Variants in PTPRD observed in about 807,000 individuals in gnomAD.
PTPRD encodes receptor-type tyrosine-protein phosphatase delta.
In PTPRD, 34 loss-of-function variants were observed where a neutral mutation model predicts 214.5. That is an observed-to-expected ratio of 0.16 (90% CI 0.12 to 0.21). The LOEUF (loss-of-function observed/expected upper bound fraction) is 0.21. Ranked by LOEUF, PTPRD falls within the 10% of genes least tolerant of loss-of-function variation. PTPRD has a pLI of 1.00. For synonymous variants in PTPRD, 1,128 were observed against 845.7 expected, an observed-to-expected ratio of 1.33 and a Z score of -5.79; for missense variants, 2,545 against 2,398.7, an observed-to-expected ratio of 1.06 and a Z score of -1.27.
chr9:8,892,093 G>A (rs140035154), intron 11 of PTPRD, among the ~76,000 whole-genome samples: 1 of 152,094 alleles, frequency 6.6e-6, no homozygotes, highest in Non-Finnish European at 1.5e-5. Context: ...GAAAGAAACA[G>A]AATTCCACTC....
intron 3 of PTPRD, among the ~76,000 whole-genome samples, chr9:10,274,022 C>G (rs1272851553): frequency 2.0e-5 from 3 of 152,050 alleles, no homozygotes; most frequent in African/African-American, 7.2e-5. Flanking sequence ...TTGTATCCTC[C>G]TAACAGAATT....
chr9:8,516,700 A>G (rs2097786238), intron 21 of PTPRD, among the ~76,000 whole-genome samples: 1 of 152,152 alleles, frequency 6.6e-6, no homozygotes, highest in Non-Finnish European at 1.5e-5. Flanking sequence ...AAACAAGCCA[A>G]CAGCATGATG....
intron 5 of PTPRD, among the ~76,000 whole-genome samples, chr9:9,798,811 A>G (rs1242924284): frequency 6.6e-6 from 1 of 152,208 alleles, no homozygotes; most frequent in African/African-American, 2.4e-5. Context: ...AATCAGGTAG[A>G]GGTCTTAGAT....
intron 10 of PTPRD, among the ~76,000 whole-genome samples, chr9:9,082,017 A>G (rs1487776109): frequency 6.6e-6 from 1 of 152,050 alleles, no homozygotes; most frequent in Non-Finnish European, 1.5e-5. Context: ...TTCACAGCCA[A>G]ATTCTACCAG....
chr9:9,575,717 CAAAAAAAAAAAAAAAAA>C (rs757614546), intron 7 of PTPRD, among the ~76,000 whole-genome samples: 1 of 33,312 alleles, frequency 3.0e-5, no homozygotes, highest in African/African-American at 1.1e-4. Context: ...AAGACTGTCT[CAAAAAAAAAAAAAAAAA>C]AAAAAAAAAA....
intron 14 of PTPRD, among the ~76,000 whole-genome samples, chr9:8,537,638 G>C (rs1436055741): frequency 2.0e-5 from 3 of 151,954 alleles, no homozygotes; most frequent in Non-Finnish European, 2.9e-5. Context: ...ACATTGTTAA[G>C]CTAAGAGCCT....
At chr9:9,387,703 C>G (rs1298586673) in intron 9 of PTPRD, among the ~76,000 whole-genome samples, 1 of 152,070 alleles carries the variant, frequency 6.6e-6, no homozygotes, top group Non-Finnish European at 1.5e-5. Context: ...AGGAAGGGTT[C>G]CTTTGTCCCC....
chr9:10,410,270 T>TATACACAC (rs532202941), intron 2 of PTPRD, among the ~76,000 whole-genome samples: 30 of 139,848 alleles, frequency 2.1e-4, no homozygotes, highest in African/African-American at 7.7e-4. Context: ...TATATATATA[T>TATACACAC]ACACACACAC....
intron 39 of PTPRD, among the ~76,000 whole-genome samples, chr9:8,373,890 CTATCTATCTATCTATCTATCTAT>C (rs879641771): frequency 0.011 from 1,422 of 130,120 alleles, 14 homozygotes; most frequent in East Asian, 0.029. Flanking sequence ...ATCTATCTAT[CTATCTATCTATCTATCTATCTAT>C]CTACCTACCT....
chr9:10,235,503 C>T (rs2099626135), intron 3 of PTPRD, among the ~76,000 whole-genome samples: 1 of 151,936 alleles, frequency 6.6e-6, no homozygotes, highest in South Asian at 2.1e-4. Flanking sequence ...TTAGCCAGCA[C>T]ATATTGTGGA....
chr9:8,653,518 A>C (rs1275806798), intron 12 of PTPRD, among the ~76,000 whole-genome samples: 3 of 152,166 alleles, frequency 2.0e-5, no homozygotes, highest in African/African-American at 4.8e-5. Flanking sequence ...ATTTCCACAC[A>C]GTTCCTTTCC....
chr9:8,660,041 G>A (rs930675983), intron 12 of PTPRD, among the ~76,000 whole-genome samples: 1 of 152,110 alleles, frequency 6.6e-6, no homozygotes, highest in Non-Finnish European at 1.5e-5. Context: ...TGTTCCTCAG[G>A]TACAAAAATG....
chr9:9,043,550 T>A (rs1211869625), intron 10 of PTPRD, among the ~76,000 whole-genome samples: 2 of 152,140 alleles, frequency 1.3e-5, no homozygotes, highest in Non-Finnish European at 2.9e-5. Flanking sequence ...TGCCACTCTA[T>A]CTTTAAAAGA....
chr9:10,444,390 C>T (rs2098783905), intron 2 of PTPRD, among the ~76,000 whole-genome samples: 1 of 151,706 alleles, frequency 6.6e-6, no homozygotes, highest in African/African-American at 2.4e-5. Flanking sequence ...GATAAAAACA[C>T]CTTTACAGAC....
chr9:9,791,990 T>C (rs1404787522), intron 5 of PTPRD, among the ~76,000 whole-genome samples: 1 of 152,184 alleles, frequency 6.6e-6, no homozygotes. Context: ...AGAGTTCTGT[T>C]GTCCTGAAGT....
At position 8,648,451 on chromosome 9, in the gene PTPRD, T is replaced by C. The variant is rs1187069398; in HGVS notation, c.65-11607A>G. 2.6e-5 allele frequency among the ~76,000 whole-genome samples: 4 copies of C among 151,892 alleles called. 1 individual carries two copies. In the South Asian group the frequency reaches 6.2e-4, roughly 24 times the overall value. Reference sequence around the variant, plus strand: ...GGCCTAAGTGGTTTTGAATCACTCATAGACAAAATCTGTGAAGTCATTCTT... The same window carrying C: ...GGCCTAAGTGGTTTTGAATCACTCACAGACAAAATCTGTGAAGTCATTCTT... On this transcript the variant is annotated intron_variant, in intron 12 of 45. Coordinates refer to ENST00000381196, the MANE Select transcript of PTPRD (RefSeq NM_002839.4).
chr9:9,432,347 G>A (rs992838143), intron 8 of PTPRD, among the ~76,000 whole-genome samples: 2 of 151,974 alleles, frequency 1.3e-5, no homozygotes, highest in Admixed American at 6.6e-5. Flanking sequence ...TTCCTTTAAG[G>A]TTAAAATGTA....
intron 3 of PTPRD, among the ~76,000 whole-genome samples, chr9:10,061,825 G>A (rs2097781612): frequency 6.6e-6 from 1 of 152,024 alleles, no homozygotes; most frequent in South Asian, 2.1e-4. Flanking sequence ...ATCAGCCTAA[G>A]TGACTACAAT....
intron 4 of PTPRD, among the ~76,000 whole-genome samples, chr9:9,949,897 G>A (rs553929693): frequency 1.3e-5 from 2 of 152,254 alleles, no homozygotes; most frequent in South Asian, 4.1e-4. Flanking sequence ...TGGCTCTTCT[G>A]AAGCCAGTAT....
Sources: allele counts gnomAD v4.1 joint callset (sites outside exome capture counted in the v4.1 genomes callset), GRCh38; gene constraint gnomAD v4.1.1; transcripts MANE v1.5; gene names NCBI Gene and HGNC (gene_info 2026-07-23, HGNC 2026-07-21).